CAMTA1: variants seen among roughly 807,000 people sequenced by gnomAD.
CAMTA1 encodes calmodulin-binding transcription activator 1.
In CAMTA1, 27 loss-of-function variants were observed where a neutral mutation model predicts 170.9. The ratio of observed to expected loss-of-function variants is 0.16; its 90% CI spans 0.12 to 0.22. The LOEUF (loss-of-function observed/expected upper bound fraction) is 0.22. Ranked by LOEUF, CAMTA1 falls within the 10% of genes least tolerant of loss-of-function variation. CAMTA1 has a pLI of 1.00. For missense variants in CAMTA1, 1,619 were observed against 2,217.2 expected (o/e 0.73, Z 5.42); for synonymous variants, 833 against 891.5 (o/e 0.93, Z 1.17).
At chr1:7,411,163 G>C (rs2090706752) in intron 5 of CAMTA1, among the ~76,000 whole-genome samples, 1 of 151,822 alleles carries the variant, frequency 6.6e-6, no homozygotes, top group Admixed American at 6.6e-5. Flanking sequence ...AGCTGCTTCA[G>C]AACAGGTCCT....
At chr1:7,037,438 T>C (rs1703764816) in intron 3 of CAMTA1, among the ~76,000 whole-genome samples, 1 of 152,216 alleles carries the variant, frequency 6.6e-6, no homozygotes, top group Non-Finnish European at 1.5e-5. Flanking sequence ...GAGGCATTTG[T>C]TCCCTGCCCA....
chr1:7,177,477 CA>C (rs200485774), intron 4 of CAMTA1, among the ~76,000 whole-genome samples: 1,592 of 147,326 alleles, frequency 0.011, 61 homozygotes, highest in African/African-American at 0.036. Flanking sequence ...GAGGCCCCCC[CA>C]CACACACTGA....
At chr1:7,643,780 G>A (rs1039960819) in intron 7 of CAMTA1, among the ~76,000 whole-genome samples, 21 of 152,198 alleles carry the variant, frequency 1.4e-4, no homozygotes, top group Non-Finnish European at 2.5e-4. Flanking sequence ...TCGGGCGTGC[G>A]TGTGCACGGC....
At chr1:7,370,866 C>T (rs1247425440) in intron 5 of CAMTA1, among the ~76,000 whole-genome samples, 3 of 151,798 alleles carry the variant, frequency 2.0e-5, no homozygotes, top group African/African-American at 7.3e-5. Context: ...CAGAGCCCGC[C>T]ATTATTGCCC....
intron 4 of CAMTA1, among the ~76,000 whole-genome samples, chr1:7,145,223 G>A (rs1225425548): frequency 6.6e-6 from 1 of 152,234 alleles, no homozygotes; most frequent in Admixed American, 6.5e-5. Flanking sequence ...CCCAGGCCCG[G>A]GAGGGAGAGC....
intron 11 of CAMTA1, among the ~76,000 whole-genome samples, chr1:7,684,950 G>A (rs1404375476): frequency 6.6e-6 from 1 of 152,206 alleles, no homozygotes; most frequent in Non-Finnish European, 1.5e-5. Flanking sequence ...TAGGTGTTGT[G>A]AGAAGCGCAG....
At chr1:7,313,697 T>C (rs1028356973) in intron 5 of CAMTA1, among the ~76,000 whole-genome samples, 27 of 152,212 alleles carry the variant, frequency 1.8e-4, no homozygotes, top group African/African-American at 6.5e-4. Flanking sequence ...ATATTTATTT[T>C]TAAAATATGA....
rs965342450 is a variant in CAMTA1, at chr1:7,251,077, C to G, written c.438+1451C>G. ...CCCCGAACAACGAGGCTGCTCGCACCGGGAGTAATAGGGCTGCGGGAATTC... is the reference window on the plus strand; with the variant it reads ...CCCCGAACAACGAGGCTGCTCGCACGGGGAGTAATAGGGCTGCGGGAATTC... On this transcript the variant is annotated intron_variant, in intron 5 of 22. Transcript: ENST00000303635. This position sits in a 1 kb window ranked among gnomAD's most constrained non-coding sequence, Gnocchi z 5.1. 6.6e-5 allele frequency among the ~76,000 whole-genome samples: 10 copies of G among 152,218 alleles called. No individual in the cohort carries two copies. Among genetic ancestry groups the G allele is most frequent in the African/African-American group, 2.4e-4 (10 of 41,532 alleles).
chr1:7,171,146 T>A (rs1278392301), intron 4 of CAMTA1, among the ~76,000 whole-genome samples: 5 of 151,926 alleles, frequency 3.3e-5, no homozygotes, highest in Admixed American at 6.5e-5. Context: ...AAAAATGTTT[T>A]CAACCTGTTC....
At chr1:6,786,749 A>G (rs190718222) in intron 1 of CAMTA1, among the ~76,000 whole-genome samples, 51 of 152,058 alleles carry the variant, frequency 3.4e-4, no homozygotes, top group African/African-American at 1.2e-3. Flanking sequence ...GTGTGTCTAC[A>G]CTGACTTGTT....
chr1:7,398,258 G>A (rs2089597973), intron 5 of CAMTA1, among the ~76,000 whole-genome samples: 1 of 123,834 alleles, frequency 8.1e-6, no homozygotes, highest in Non-Finnish European at 1.7e-5. Context: ...ATATCTGGGT[G>A]CCCCAATGTT....
chr1:7,567,518 G>A (rs2095057806), intron 6 of CAMTA1, among the ~76,000 whole-genome samples: 1 of 152,240 alleles, frequency 6.6e-6, no homozygotes, highest in South Asian at 2.1e-4. Flanking sequence ...AGGGAAAGCA[G>A]TGGATGGATG....
chr1:7,385,631 G>GA (rs1051805601), intron 5 of CAMTA1, among the ~76,000 whole-genome samples: 2 of 152,106 alleles, frequency 1.3e-5, no homozygotes, highest in African/African-American at 4.8e-5. Flanking sequence ...CAAACACCAG[G>GA]AAAAAATGAG....
At chr1:7,042,067 G>A (rs943840418) in intron 3 of CAMTA1, among the ~76,000 whole-genome samples, 1 of 149,454 alleles carries the variant, frequency 6.7e-6, no homozygotes, top group Non-Finnish European at 1.5e-5. Context: ...GGTGATAGAG[G>A]TGCTTGCTTG....
chr1:7,566,272 A>G (rs975597032), intron 6 of CAMTA1, among the ~76,000 whole-genome samples: 1 of 152,146 alleles, frequency 6.6e-6, no homozygotes, highest in Non-Finnish European at 1.5e-5. Context: ...CCATTTATAA[A>G]TGGCAAAGAG....
chr1:6,974,195 C>T (rs1693020574), intron 3 of CAMTA1, among the ~76,000 whole-genome samples: 2 of 152,110 alleles, frequency 1.3e-5, no homozygotes, highest in Admixed American at 6.5e-5. Context: ...CAGTGAGGAA[C>T]AAGGAGAGGG....
Position 7,562,171 on chromosome 1 carries a change from C to T in CAMTA1, c.511-78229C>T, listed in dbSNP as rs536319445. On this transcript the variant is annotated intron_variant, in intron 6 of 22. Coordinates refer to ENST00000303635, the MANE Select transcript of CAMTA1 (RefSeq NM_015215.4). The surrounding 1 kb of genome is among the most constrained non-coding windows in gnomAD (Gnocchi z 4.8). ...ATTCACGGGTTGCAGCTGCCCAGTC[C>T]TGAGGCCCGGCACCCCAGCTCCGGC... 4.6e-5 allele frequency among the ~76,000 whole-genome samples: 7 copies of T among 152,232 alleles called. No homozygotes were observed. Among genetic ancestry groups the T allele is most frequent in the Non-Finnish European group, 1.0e-4 (7 of 68,046 alleles).
intron 10 of CAMTA1, among the ~76,000 whole-genome samples, chr1:7,675,286 A>T (rs1254762389): frequency 1.3e-5 from 2 of 152,230 alleles, no homozygotes; most frequent in Non-Finnish European, 2.9e-5. Flanking sequence ...TGAATACAGT[A>T]AGACTGGAGA....
At chr1:6,894,802 T>C (rs1189272824) in intron 3 of CAMTA1, among the ~76,000 whole-genome samples, 1 of 152,188 alleles carries the variant, frequency 6.6e-6, no homozygotes, top group Non-Finnish European at 1.5e-5. Context: ...AAAATAGAAA[T>C]GGCGGCTTGC....
Sources: allele counts gnomAD v4.1 joint callset (sites outside exome capture counted in the v4.1 genomes callset), GRCh38; gene constraint gnomAD v4.1.1; non-coding constraint Gnocchi (gnomAD v3.1); transcripts MANE v1.5; gene names NCBI Gene and HGNC (gene_info 2026-07-23, HGNC 2026-07-21).